The following LPIN1 variants were observed in gnomAD, a reference collection of about 807,000 sequenced individuals.
LPIN1 encodes lipin 1.
LPIN1 carries 71 observed loss-of-function variants against 107.5 expected under a neutral mutation model. The ratio of observed to expected loss-of-function variants is 0.66; its 90% confidence interval spans 0.55 to 0.80. LPIN1 has a LOEUF of 0.80. Ranked by LOEUF, LPIN1 falls within the 30% of genes least tolerant of loss-of-function variation. The pLI, the probability that LPIN1 is intolerant of heterozygous loss-of-function variation, is 0.00. For missense variants in LPIN1, 1,043 were observed against 1,160.6 expected (o/e 0.90, Z 1.47); for synonymous variants, 445 against 452.6 (o/e 0.98, Z 0.21).
intron 1 of LPIN1, among the ~76,000 whole-genome samples, chr2:11,708,585 G>A (rs1350285763): frequency 6.6e-6 from 1 of 152,200 alleles, no homozygotes; most frequent in Non-Finnish European, 1.5e-5. Flanking sequence ...AAGGTTTTCA[G>A]TGGGGAATGA....
At chr2:11,753,697 T>A (rs999998403) in intron 1 of LPIN1, among the ~76,000 whole-genome samples, 3 of 152,228 alleles carry the variant, frequency 2.0e-5, no homozygotes, top group African/African-American at 7.2e-5. Flanking sequence ...TCAACCGCCG[T>A]TAAGTATCAG....
intron 14 of LPIN1, 102 bp from the exon 15 acceptor site, chr2:11,802,805 G>GGA: frequency 7.2e-7 from 1 of 1,392,342 alleles, no homozygotes; most frequent in Non-Finnish European, 1.0e-6. Context: ...ACGGGACTCA[G>GGA]GAGAGACTGG....
chr2:11,699,293 C>CTTTA (rs1240613112), intron 1 of LPIN1, among the ~76,000 whole-genome samples: 8 of 152,130 alleles, frequency 5.3e-5, no homozygotes, highest in Non-Finnish European at 1.0e-4. Flanking sequence ...ACATAAGGAC[C>CTTTA]TTTCTAGGGA....
In LPIN1 at chr2:11,759,796, G is replaced by A. The variant is rs1490071297; in HGVS notation, c.-9-5737G>A. ...CCCCCACCTCCCTCCCGGACGGGGC[G>A]GCTGGCCGGGCGGGGGCTGACCCCC... On this transcript the variant is annotated intron_variant, in intron 1 of 20. Transcript: ENST00000674199. Among the ~76,000 whole-genome samples, 6 of 146,870 alleles carry A rather than the reference G, an allele frequency of 4.1e-5. No homozygotes were observed. The East Asian group carries it at 6.4e-4, about 16-fold the overall frequency.
In LPIN1 at chr2:11,773,680, G is replaced by A. The variant is rs59909741; in HGVS notation, c.657G>A (p.Leu219=). 19,814 of 1,612,766 alleles carry A rather than the reference G, an allele frequency of 0.012. 1,903 individuals are homozygous for A. In the African/African-American group the frequency reaches 0.22, roughly 18 times the overall value. ...ATATTCCTGAGGAAAACCTCTCCCT[G>A]GCTGTGATTTACCCTCAGTCAGCCT... The part of the protein sequence containing the change: ...QDDIPEENLS[L]AVIYPQSASY... Residue 219 remains leucine, a synonymous_variant, in exon 5 of 21, where the codon CTG becomes CTA. Transcript: ENST00000674199.
Position 11,765,725 on chromosome 2 carries a change from G to A in LPIN1, c.184G>A (p.Glu62Lys), listed in dbSNP as rs777696552. ...GAAGATGGGGGTCCTGCGCTCCCGA[G>A]AGAAAGTGGTGAGCTCTCAGGGCAC... ...FGKMGVLRSR[E>K]KVVDIEINGE... is the part of the protein sequence containing the mutation. The change falls in exon 2 of 21, where the codon GAG becomes AAG. Residue 62 changes from glutamate (E) to lysine (K), a missense_variant. Coordinates refer to ENST00000674199, the MANE Select transcript of LPIN1 (RefSeq NM_001349206.2). This position sits in a 1 kb window ranked among gnomAD's most constrained non-coding sequence, Gnocchi z 4.4. 6.2e-7 allele frequency: 1 copy of A among 1,610,560 alleles called. No individual in the cohort carries two copies. Among genetic ancestry groups the A allele is most frequent in the Admixed American group, 1.7e-5 (1 of 59,918 alleles).
chr2:11,770,599 A>G (rs552860829), intron 3 of LPIN1, among the ~76,000 whole-genome samples: 2 of 152,234 alleles, frequency 1.3e-5, no homozygotes, highest in East Asian at 1.9e-4. Flanking sequence ...CTCCAAACCT[A>G]TTTGAATGAT....
intron 3 of LPIN1, among the ~76,000 whole-genome samples, chr2:11,769,663 T>C (rs920770415): frequency 2.0e-5 from 3 of 152,160 alleles, no homozygotes; most frequent in African/African-American, 7.2e-5. Flanking sequence ...ATGCTTTTGG[T>C]GTCATATGCA....
At chr2:11,813,593 C>G (rs905634208) in intron 17 of LPIN1, among the ~76,000 whole-genome samples, 3 of 151,990 alleles carry the variant, frequency 2.0e-5, no homozygotes, top group Non-Finnish European at 2.9e-5. Flanking sequence ...ACATTTCATT[C>G]TAGACACTAA....
At chr2:11,762,296 G>A (rs1159811942) in intron 1 of LPIN1, among the ~76,000 whole-genome samples, 1 of 152,092 alleles carries the variant, frequency 6.6e-6, no homozygotes, top group Non-Finnish European at 1.5e-5. Flanking sequence ...ACTGCCACGC[G>A]TTCACCAACC....
chr2:11,781,120 A>ATGAG (rs1008548689), intron 7 of LPIN1, among the ~76,000 whole-genome samples: 6 of 152,210 alleles, frequency 3.9e-5, no homozygotes, highest in East Asian at 1.9e-4. Flanking sequence ...ATATGAATGA[A>ATGAG]TGAGTGAGTG....
rs1676507874 is a variant in LPIN1, at chr2:11,795,407, G to A, written c.1807-1G>A. 1.2e-6 allele frequency: 2 copies of A among 1,613,540 alleles called. No individual in the cohort carries two copies. The highest frequency in any genetic ancestry group is 1.7e-6 in the Non-Finnish European group (2 of 1,179,662). ...TGACTCTTTCTTTTCTTCTTTTCTA[G>A]GAAAGTAAGCCAGAGCAGTGCTTGG... On this transcript the variant is annotated splice_acceptor_variant, in intron 13 of 20. Transcript: ENST00000674199. LOFTEE classifies it high-confidence loss of function.
intron 14 of LPIN1, among the ~76,000 whole-genome samples, chr2:11,797,170 T>C (rs1676868257): frequency 6.6e-6 from 1 of 152,236 alleles, no homozygotes; most frequent in African/African-American, 2.4e-5. Flanking sequence ...TTGGCAATAA[T>C]TTCTAAACAC....
chr2:11,810,179 C>T (rs1679409316), intron 17 of LPIN1, among the ~76,000 whole-genome samples: 1 of 152,100 alleles, frequency 6.6e-6, no homozygotes, highest in African/African-American at 2.4e-5. Flanking sequence ...TGGGAGGAGA[C>T]ACTTAGGGCT....
chr2:11,785,638 C>T (rs1030437209), intron 10 of LPIN1, among the ~76,000 whole-genome samples: 2 of 152,120 alleles, frequency 1.3e-5, no homozygotes, highest in Non-Finnish European at 2.9e-5. Flanking sequence ...CACAGTGGCC[C>T]TGCACCCCTC....
At chr2:11,769,033 G>A (rs1671438532) in intron 3 of LPIN1, among the ~76,000 whole-genome samples, 1 of 152,140 alleles carries the variant, frequency 6.6e-6, no homozygotes, top group Admixed American at 6.5e-5. Flanking sequence ...GTGAACATTT[G>A]TATACAAGTT....
At chr2:11,758,397 T>C (rs778128694) in intron 1 of LPIN1, among the ~76,000 whole-genome samples, 7 of 152,232 alleles carry the variant, frequency 4.6e-5, no homozygotes, top group Non-Finnish European at 7.3e-5. Context: ...GGACAAGAGT[T>C]CCAGTTTCTC....
intron 5 of LPIN1, among the ~76,000 whole-genome samples, chr2:11,775,665 A>G (rs1206878279): frequency 6.6e-6 from 1 of 152,224 alleles, no homozygotes; most frequent in East Asian, 1.9e-4. Context: ...TGGGTGAAAC[A>G]GAAAGTGAAA....
intron 7 of LPIN1, among the ~76,000 whole-genome samples, chr2:11,779,918 T>A (rs1440700971): frequency 6.6e-6 from 1 of 151,810 alleles, no homozygotes; most frequent in Non-Finnish European, 1.5e-5. Flanking sequence ...TCTCACTCTG[T>A]CACCCGGGCT....
Sources: gnomAD v4.1 joint callset for allele counts (sites outside exome capture counted in the v4.1 genomes callset) on GRCh38, gnomAD v4.1.1 for gene constraint, Gnocchi (gnomAD v3.1) non-coding constraint, MANE v1.5 for transcripts, NCBI Gene and HGNC (gene_info 2026-07-23, HGNC 2026-07-21) for gene names.